DPP10: variants seen among roughly 807,000 people sequenced by gnomAD.
DPP10 encodes inactive dipeptidyl peptidase 10.
DPP10 carries 33 observed loss-of-function variants against 120.9 expected under a neutral mutation model. The ratio of observed to expected loss-of-function variants is 0.27; its 90% CI spans 0.21 to 0.37. The LOEUF (loss-of-function observed/expected upper bound fraction) is 0.37. Among genes scored for constraint, DPP10 ranks in the 10% least tolerant of loss-of-function variants. The pLI, the probability that DPP10 is intolerant of heterozygous loss-of-function variation, is 1.00. For missense variants in DPP10, 816 were observed against 942.8 expected (o/e 0.87, Z 1.76); for synonymous variants, 337 against 326.1 (o/e 1.03, Z -0.36).
At chr2:115,404,798 A>T (rs1308031739) in intron 3 of DPP10, among the ~76,000 whole-genome samples, 1 of 152,192 alleles carries the variant, frequency 6.6e-6, no homozygotes, top group East Asian at 1.9e-4. Context: ...TGGAGAGGCA[A>T]CTTCACTTTA....
chr2:114,452,418 A>C (rs897230932), intron 1 of DPP10, among the ~76,000 whole-genome samples: 1 of 152,188 alleles, frequency 6.6e-6, no homozygotes, highest in East Asian at 1.9e-4. Flanking sequence ...GGAAAAATTA[A>C]AGTGCATTTG....
chr2:115,152,801 A>C (rs1001934020), intron 1 of DPP10, among the ~76,000 whole-genome samples: 21 of 152,186 alleles, frequency 1.4e-4, no homozygotes, highest in African/African-American at 4.8e-4. Context: ...TAGACCTGCT[A>C]AGAACAACGA....
intron 5 of DPP10, among the ~76,000 whole-genome samples, chr2:115,638,858 C>G (rs923247216): frequency 1.3e-5 from 2 of 152,126 alleles, no homozygotes; most frequent in South Asian, 4.1e-4. Context: ...CACGGAAGCA[C>G]TAACTGAAGA....
chr2:115,134,247 TA>T (rs2050531643), intron 1 of DPP10, among the ~76,000 whole-genome samples: 1 of 152,204 alleles, frequency 6.6e-6, no homozygotes, highest in South Asian at 2.1e-4. Flanking sequence ...CTCCTAAGTT[TA>T]AGTACCTATT....
chr2:115,489,039 A>G (rs1254324532), intron 3 of DPP10, among the ~76,000 whole-genome samples: 1 of 152,134 alleles, frequency 6.6e-6, no homozygotes, highest in Non-Finnish European at 1.5e-5. Context: ...AACGTTTAAA[A>G]TATAGTAAGT....
intron 9 of DPP10, among the ~76,000 whole-genome samples, chr2:115,745,765 T>C (rs1012672288): frequency 1.4e-5 from 2 of 140,952 alleles, no homozygotes; most frequent in African/African-American, 4.9e-5. Flanking sequence ...AGTTTGTTTG[T>C]TTGTTTGTTT....
intron 1 of DPP10, among the ~76,000 whole-genome samples, chr2:114,689,022 C>G (rs1299959973): frequency 6.6e-6 from 1 of 151,756 alleles, no homozygotes; most frequent in Non-Finnish European, 1.5e-5. Flanking sequence ...ATTTATTGCT[C>G]AGTCCAGCTT....
At chr2:114,880,492 T>C (rs903190270) in intron 1 of DPP10, among the ~76,000 whole-genome samples, 2 of 152,110 alleles carry the variant, frequency 1.3e-5, no homozygotes, top group Admixed American at 6.6e-5. Flanking sequence ...ACAGGAAATA[T>C]ACACACACAA....
chr2:114,453,606 C>G (rs1235171885), intron 1 of DPP10, among the ~76,000 whole-genome samples: 1 of 152,062 alleles, frequency 6.6e-6, no homozygotes, highest in East Asian at 1.9e-4. Flanking sequence ...ACCTGAATGC[C>G]CTCATGGTTA....
rs142458856 is a variant in DPP10, at chr2:115,830,212, G to A, written c.1951-5945G>A. Among the ~76,000 whole-genome samples the A allele has an allele frequency of 7.0e-3, 1,069 of 152,026 alleles. 12 individuals carry two copies. Among genetic ancestry groups the A allele is most frequent in the African/African-American group, 0.025 (1,018 of 41,476 alleles). On this transcript the variant is annotated intron_variant, in intron 21 of 25. Transcript: ENST00000410059. ...CTCTGCTAAAAAAGTACAAAAATTG[G>A]CTGGGTGTGGTGGCGAGTGTCTGTA...
At chr2:115,577,372 C>A (rs1575225694) in intron 5 of DPP10, among the ~76,000 whole-genome samples, 1 of 152,142 alleles carries the variant, frequency 6.6e-6, no homozygotes, top group Admixed American at 6.5e-5. Context: ...GGACTTCATG[C>A]CAATTACCTA....
chr2:115,649,236 A>T (rs1288425923), intron 5 of DPP10, among the ~76,000 whole-genome samples: 1 of 152,082 alleles, frequency 6.6e-6, no homozygotes, highest in Non-Finnish European at 1.5e-5. Context: ...TCTATGTGAG[A>T]GGAGCTACTC....
At chr2:115,550,079 G>A (rs1169138684) in intron 5 of DPP10, among the ~76,000 whole-genome samples, 1 of 152,138 alleles carries the variant, frequency 6.6e-6, no homozygotes, top group Non-Finnish European at 1.5e-5. Context: ...CAAAAAGGGG[G>A]AGAGACAGCT....
At chr2:114,471,971 A>G (rs1467729736) in intron 1 of DPP10, among the ~76,000 whole-genome samples, 1 of 152,240 alleles carries the variant, frequency 6.6e-6, no homozygotes, top group Non-Finnish European at 1.5e-5. Flanking sequence ...AGAAAATAAA[A>G]TGGGGCACTT....
In DPP10 at chr2:115,842,533, G is replaced by A. The variant is rs768370967; in HGVS notation, c.*188G>A. ...CCAAGTCTACTGTGTTGCTAGGGGT[G>A]CAGAACCCGTTTCTTTGTATGAGAG... On this transcript the variant is annotated 3_prime_UTR_variant, in exon 26 of 26. Transcript: ENST00000410059. 26 of 566,610 alleles carry A rather than the reference G, an allele frequency of 4.6e-5. No individual in the cohort carries two copies. The highest frequency in any genetic ancestry group is 6.8e-5 in the Non-Finnish European group (25 of 366,936). 35.1% of individuals were successfully genotyped at this position (566,610 alleles called of 1,614,324 possible).
intron 3 of DPP10, chr2:115,468,743 C>T: frequency 2.5e-6 from 1 of 398,074 alleles, no homozygotes; most frequent in Non-Finnish European, 4.8e-6. Flanking sequence ...GGATGAATGG[C>T]CTACTGTAGC....
chr2:115,553,996 C>G (rs980065061), intron 5 of DPP10, among the ~76,000 whole-genome samples: 3 of 112,102 alleles, frequency 2.7e-5, no homozygotes, highest in East Asian at 2.8e-4. Flanking sequence ...CTCTCTCTCT[C>G]TCTTTCACAC....
intron 1 of DPP10, among the ~76,000 whole-genome samples, chr2:114,447,321 A>T (rs1678002163): frequency 6.6e-6 from 1 of 152,034 alleles, no homozygotes; most frequent in South Asian, 2.1e-4. Context: ...TATACCCCTA[A>T]CCTAAATGCT....
intron 1 of DPP10, among the ~76,000 whole-genome samples, chr2:114,820,045 G>A (rs745511116): frequency 6.6e-5 from 10 of 152,174 alleles, no homozygotes; most frequent in Non-Finnish European, 1.2e-4. Context: ...TTGAGTGGCT[G>A]TTCTGAGCCT....
Sources: allele counts gnomAD v4.1 joint callset (sites outside exome capture counted in the v4.1 genomes callset), GRCh38; gene constraint gnomAD v4.1.1; transcripts MANE v1.5; gene names NCBI Gene and HGNC (gene_info 2026-07-23, HGNC 2026-07-21).